Variants in CSMD1 observed in about 807,000 individuals in gnomAD.
CSMD1 encodes the protein CUB and Sushi multiple domains 1.
A neutral mutation model predicts 417.5 loss-of-function variants in CSMD1; 213 were observed. The observed-to-expected ratio is 0.51, with a 90% CI of 0.46 to 0.57. CSMD1 has a LOEUF of 0.57. Among genes scored for constraint, CSMD1 ranks in the 20% least tolerant of loss-of-function variants. CSMD1 has a pLI of 0.00. For missense variants in CSMD1, 6,923 were observed against 4,529.7 expected (o/e 1.53, Z -15.17); for synonymous variants, 2,862 against 1,736.8 (o/e 1.65, Z -16.11).
rs977296836 is a variant in CSMD1 at position 3,874,560 on chromosome 8, T to C, written c.819-120518A>G. On this transcript the variant is annotated intron_variant, in intron 5 of 69. Coordinates refer to ENST00000635120, the MANE Select transcript of CSMD1 (RefSeq NM_033225.6). Reference sequence around the variant, plus strand: ...ATACAAGCAGCATCTTAGGGAGATGTTGCTGCCTCTGTGATGGAGATCTTC... The same window carrying C: ...ATACAAGCAGCATCTTAGGGAGATGCTGCTGCCTCTGTGATGGAGATCTTC... 1.2e-4 allele frequency among the ~76,000 whole-genome samples: 19 copies of C among 152,306 alleles called. No individual in the cohort carries two copies. The South Asian group carries it at 2.5e-3, about 20-fold the overall frequency.
At chr8:3,705,467 C>G (rs889573567) in intron 7 of CSMD1, among the ~76,000 whole-genome samples, 1 of 152,328 alleles carries the variant, frequency 6.6e-6, no homozygotes, top group East Asian at 1.9e-4. Flanking sequence ...GGGACAGCCT[C>G]ACACTCTACA....
intron 5 of CSMD1, among the ~76,000 whole-genome samples, chr8:3,785,797 C>A (rs1430365603): frequency 1.3e-5 from 2 of 152,152 alleles, no homozygotes; most frequent in African/African-American, 4.8e-5. Flanking sequence ...TAGGTCCAGG[C>A]TGCGGAAGAG....
intron 1 of CSMD1, among the ~76,000 whole-genome samples, chr8:4,669,859 A>C (rs1387021424): frequency 6.6e-6 from 1 of 151,988 alleles, no homozygotes. Flanking sequence ...AAATCACAGA[A>C]CTCCTCAGGT....
At chr8:4,292,980 C>G (rs553569225) in intron 3 of CSMD1, among the ~76,000 whole-genome samples, 1 of 152,176 alleles carries the variant, frequency 6.6e-6, no homozygotes. Flanking sequence ...AAGACGTGAA[C>G]AGTCTCTTTT....
At chr8:4,298,249 TA>T (rs1797792631) in intron 3 of CSMD1, among the ~76,000 whole-genome samples, 1 of 152,188 alleles carries the variant, frequency 6.6e-6, no homozygotes, top group South Asian at 2.1e-4. Context: ...CAATTAAAAC[TA>T]AAAACACATA....
chr8:3,586,300 T>C (rs1199895917), intron 8 of CSMD1, 40 bp from the exon 9 acceptor site: 3 of 1,517,404 alleles, frequency 2.0e-6, no homozygotes, highest in Non-Finnish European at 2.6e-6. Context: ...CCAAATTATT[T>C]ACAGAAGACT....
chr8:3,490,186 C>A (rs2117285394), intron 11 of CSMD1, among the ~76,000 whole-genome samples: 1 of 152,278 alleles, frequency 6.6e-6, no homozygotes, highest in African/African-American at 2.4e-5. Flanking sequence ...TCTTCTGCAG[C>A]TGATTAAATG....
intron 1 of CSMD1, among the ~76,000 whole-genome samples, chr8:4,670,378 G>A (rs1432638314): frequency 6.6e-6 from 1 of 152,068 alleles, no homozygotes; most frequent in Non-Finnish European, 1.5e-5. Context: ...TGAAATACAT[G>A]TTCTCCTAAT....
At chr8:4,871,970 G>A (rs527901268) in intron 1 of CSMD1, among the ~76,000 whole-genome samples, 4 of 152,074 alleles carry the variant, frequency 2.6e-5, no homozygotes, top group African/African-American at 4.8e-5. Flanking sequence ...ATAGGTGACA[G>A]CAGCACGGCC....
intron 5 of CSMD1, among the ~76,000 whole-genome samples, chr8:3,797,950 A>G (rs888492283): frequency 1.3e-5 from 2 of 152,124 alleles, no homozygotes; most frequent in Admixed American, 6.6e-5. Flanking sequence ...AGCTGTTCTC[A>G]TAACTATTTA....
At chr8:3,881,415 C>A (rs1232702590) in intron 5 of CSMD1, among the ~76,000 whole-genome samples, 1 of 151,346 alleles carries the variant, frequency 6.6e-6, no homozygotes, top group Non-Finnish European at 1.5e-5. Flanking sequence ...GCAGGCAGAT[C>A]ACAAGGTTAG....
intron 5 of CSMD1, among the ~76,000 whole-genome samples, chr8:3,905,027 G>A (rs1202614484): frequency 6.6e-6 from 1 of 152,138 alleles, no homozygotes; most frequent in African/African-American, 2.4e-5. Flanking sequence ...GCTAGAACTT[G>A]TACTGGTGAC....
chr8:4,371,896 T>G (rs1293166622), intron 3 of CSMD1, among the ~76,000 whole-genome samples: 1 of 152,204 alleles, frequency 6.6e-6, no homozygotes, highest in African/African-American at 2.4e-5. Flanking sequence ...CCATGCAAGT[T>G]AAGAAGGGAA....
At chr8:3,965,945 A>C (rs1460473873) in intron 5 of CSMD1, among the ~76,000 whole-genome samples, 3 of 152,206 alleles carry the variant, frequency 2.0e-5, no homozygotes, top group Non-Finnish European at 4.4e-5. Flanking sequence ...AGAAATAAGA[A>C]CTGTCAAGGT....
At chr8:3,824,916 T>C (rs552433386) in intron 5 of CSMD1, among the ~76,000 whole-genome samples, 144 of 152,312 alleles carry the variant, frequency 9.5e-4, no homozygotes, top group African/African-American at 3.4e-3. Flanking sequence ...GCCCTGTTAA[T>C]TAGCACCATA....
At chr8:3,048,989 C>A (rs1400193578) in intron 50 of CSMD1, among the ~76,000 whole-genome samples, 1 of 151,936 alleles carries the variant, frequency 6.6e-6, no homozygotes, top group Middle Eastern at 3.4e-3. Flanking sequence ...AGATGCTGCA[C>A]ATCATGCATC....
At chr8:3,807,267 G>A (rs1800796449) in intron 5 of CSMD1, among the ~76,000 whole-genome samples, 1 of 152,108 alleles carries the variant, frequency 6.6e-6, no homozygotes, top group Admixed American at 6.6e-5. Flanking sequence ...TTGATCAACA[G>A]AAACTTAAGC....
chr8:3,570,065 G>T (rs1330223862), intron 10 of CSMD1, among the ~76,000 whole-genome samples: 1 of 152,220 alleles, frequency 6.6e-6, no homozygotes, highest in Non-Finnish European at 1.5e-5. Context: ...GGAGAGAAGA[G>T]AATTGTATAA....
chr8:3,388,010 T>C lies in CSMD1; in HGVS notation c.2594-328A>G, dbSNP rs552929203. On this transcript the variant is annotated intron_variant, in intron 17 of 69. Transcript: ENST00000635120. ...TAAATAAAGTCTAAGACTTTTCCTG[T>C]TTTCTATTTTTCACCACCACTCTCC... Among the ~76,000 whole-genome samples the C allele has an allele frequency of 1.1e-4, 17 of 152,320 alleles. No individual in the cohort carries two copies. In the East Asian group the frequency reaches 3.1e-3, roughly 28 times the overall value.
Sources: allele counts gnomAD v4.1 joint callset (sites outside exome capture counted in the v4.1 genomes callset), GRCh38; gene constraint gnomAD v4.1.1; transcripts MANE v1.5; gene names NCBI Gene and HGNC (gene_info 2026-07-23, HGNC 2026-07-21).